CACNA2D1: variants seen among roughly 807,000 people sequenced by gnomAD.
CACNA2D1 encodes calcium voltage-gated channel auxiliary subunit alpha2delta 1.
A neutral mutation model predicts 171.5 loss-of-function variants in CACNA2D1; 53 were observed. The observed-to-expected ratio is 0.31, with a 90% CI of 0.25 to 0.39. CACNA2D1 has a LOEUF of 0.39. CACNA2D1 is among the 10% of genes least tolerant of loss of function. The probability of loss-of-function intolerance (pLI) is 1.00; values close to 1 mark genes in which losing one functional copy is unlikely to be tolerated. For missense variants in CACNA2D1, 903 were observed against 1,299.8 expected (o/e 0.69, Z 4.69); for synonymous variants, 442 against 443.1 (o/e 1.00, Z 0.03).
intron 3 of CACNA2D1, among the ~76,000 whole-genome samples, chr7:82,308,303 G>C (rs75650073): frequency 0.16 from 23,784 of 152,070 alleles, 2,022 homozygotes; most frequent in South Asian, 0.28. Context: ...GTACTGAAAA[G>C]AAACATGAGA....
At chr7:82,079,489 C>T (rs183346669) in intron 7 of CACNA2D1, among the ~76,000 whole-genome samples, 3 of 151,844 alleles carry the variant, frequency 2.0e-5, no homozygotes, top group East Asian at 1.9e-4. Flanking sequence ...GTCAGGACTT[C>T]GAGACCAGCC....
intron 3 of CACNA2D1, among the ~76,000 whole-genome samples, chr7:82,322,125 CAAAAAAAAAAAAA>C (rs71093373): frequency 9.2e-5 from 4 of 43,636 alleles, no homozygotes; most frequent in South Asian, 1.4e-3. Flanking sequence ...GACTCCGTCT[CAAAAAAAAAAAAA>C]AAAAAAAAAA....
intron 22 of CACNA2D1, among the ~76,000 whole-genome samples, chr7:81,984,021 T>C (rs997056589): frequency 2.0e-5 from 3 of 152,130 alleles, no homozygotes; most frequent in African/African-American, 4.8e-5. Flanking sequence ...TAACTTGAAG[T>C]ATGCACTAGT....
intron 28 of CACNA2D1, 68 bp downstream of exon 28, chr7:81,969,813 G>C (rs749767608): frequency 2.1e-5 from 18 of 838,600 alleles, no homozygotes; most frequent in Non-Finnish European, 3.3e-5. Context: ...TTTGGGGGGA[G>C]AGCAGATAGT....
At chr7:82,302,283 C>T (rs1420093796) in intron 3 of CACNA2D1, among the ~76,000 whole-genome samples, 5 of 152,046 alleles carry the variant, frequency 3.3e-5, no homozygotes, top group Non-Finnish European at 7.4e-5. Context: ...AATGGTAACC[C>T]CTAATGTAGG....
chr7:82,244,286 G>A (rs1804656121), intron 3 of CACNA2D1, among the ~76,000 whole-genome samples: 1 of 151,968 alleles, frequency 6.6e-6, no homozygotes, highest in South Asian at 2.1e-4. Flanking sequence ...TGACACTAAA[G>A]GATGAGTTAT....
rs182567200 is a variant in CACNA2D1, at chr7:81,952,471, A to G, written c.3160-1963T>C. Among the ~76,000 whole-genome samples, 514 of 152,258 alleles carry G rather than the reference A, an allele frequency of 3.4e-3. 1 individual carries two copies. Among genetic ancestry groups the G allele is most frequent in the Middle Eastern group, 0.01 (3 of 294 alleles). On this transcript the variant is annotated intron_variant, in intron 38 of 38. Transcript: ENST00000356860. ...TATGAAAAAATTTTAGTTTCAATCA[A>G]TTTACATCCCAAATCTAAATAGAAT...
chr7:82,361,960 TTGA>T (rs1821129411), intron 1 of CACNA2D1, among the ~76,000 whole-genome samples: 1 of 152,182 alleles, frequency 6.6e-6, no homozygotes, highest in Non-Finnish European at 1.5e-5. Context: ...CTCATTTGTG[TTGA>T]TGTTTATATC....
In CACNA2D1 at chr7:81,971,645, T is replaced by G; in HGVS notation, c.2141+132A>C. The G allele has an allele frequency of 1.1e-5, 7 of 654,648 alleles. No homozygotes were observed. In the South Asian group the frequency reaches 1.3e-4, roughly 12 times the overall value. The allele number at this position is 654,648 out of a possible 1,614,324, so 40.6% of individuals were successfully genotyped here. A position where few individuals can be genotyped will look rare whatever the true frequency, so the allele number is the denominator to read the frequency against. On this transcript the variant is annotated intron_variant, in intron 26 of 38. Transcript: ENST00000356860. The stretch of plus-strand genomic sequence containing the variant: ...AAAATGCAAGTTGTCAACAACTGTA[T>G]AGTGATTTTCTTGAGAAATATTAAA...
intron 3 of CACNA2D1, among the ~76,000 whole-genome samples, chr7:82,176,556 G>A (rs913485185): frequency 3.3e-5 from 5 of 151,812 alleles, no homozygotes; most frequent in Non-Finnish European, 7.4e-5. Flanking sequence ...GTTAGCTAAA[G>A]AAGCCAGGCT....
chr7:82,007,086 A>C (rs1281943563), intron 16 of CACNA2D1, among the ~76,000 whole-genome samples: 1 of 152,168 alleles, frequency 6.6e-6, no homozygotes, highest in Admixed American at 6.6e-5. Context: ...AAGATAAATA[A>C]TTTTTAGAAC....
chr7:82,033,356 G>A (rs900354609), intron 11 of CACNA2D1, among the ~76,000 whole-genome samples: 1 of 151,946 alleles, frequency 6.6e-6, no homozygotes, highest in Non-Finnish European at 1.5e-5. Context: ...ATAGAAGACT[G>A]CCTAGCACAT....
At chr7:82,025,461 T>TA (rs1437454556) in intron 12 of CACNA2D1, among the ~76,000 whole-genome samples, 2 of 151,680 alleles carry the variant, frequency 1.3e-5, no homozygotes, top group African/African-American at 2.4e-5. Context: ...AGTTAGTTGT[T>TA]AGAGTATAGA....
intron 6 of CACNA2D1, among the ~76,000 whole-genome samples, chr7:82,110,295 T>C (rs762354783): frequency 1.3e-5 from 2 of 152,118 alleles, no homozygotes; most frequent in Non-Finnish European, 1.5e-5. Flanking sequence ...GTAATTTCCA[T>C]GAGGTCATGA....
intron 1 of CACNA2D1, among the ~76,000 whole-genome samples, chr7:82,399,700 C>A (rs1826142808): frequency 1.1e-5 from 1 of 93,508 alleles, no homozygotes; most frequent in Non-Finnish European, 2.2e-5. Flanking sequence ...ACCCCCCCAG[C>A]CCCCACCCCC....
chr7:82,397,004 T>C (rs539905953), intron 1 of CACNA2D1, among the ~76,000 whole-genome samples: 3 of 152,350 alleles, frequency 2.0e-5, no homozygotes, highest in Non-Finnish European at 2.9e-5. Flanking sequence ...TTTGAACTTA[T>C]GCATTGATTT....
At chr7:82,213,289 A>C (rs1344456355) in intron 3 of CACNA2D1, among the ~76,000 whole-genome samples, 2 of 152,220 alleles carry the variant, frequency 1.3e-5, no homozygotes, top group Non-Finnish European at 2.9e-5. Context: ...TCTTTAAAAA[A>C]TATTTACACA....
intron 3 of CACNA2D1, among the ~76,000 whole-genome samples, chr7:82,287,878 C>A (rs370101649): frequency 6.6e-6 from 1 of 151,230 alleles, no homozygotes; most frequent in Admixed American, 6.6e-5. Flanking sequence ...CTCGCTCTGT[C>A]GCCCAGGCTG....
intron 3 of CACNA2D1, among the ~76,000 whole-genome samples, chr7:82,232,829 A>AC (rs1458218797): frequency 3.4e-5 from 4 of 118,148 alleles, no homozygotes; most frequent in Non-Finnish European, 6.5e-5. Flanking sequence ...GCGCCATTGC[A>AC]CTCCAGCCTG....
Sources: allele counts gnomAD v4.1 joint callset (sites outside exome capture counted in the v4.1 genomes callset), GRCh38; gene constraint gnomAD v4.1.1; transcripts MANE v1.5; gene names NCBI Gene and HGNC (gene_info 2026-07-23, HGNC 2026-07-21).